Variants in RUNDC3B observed in about 807,000 individuals in gnomAD.
The protein encoded by RUNDC3B is RUN domain containing 3B, also known as RUN domain-containing protein 3B.
Under a neutral mutation model 58.4 loss-of-function variants are expected in RUNDC3B, and 33 were observed. That is an observed-to-expected ratio of 0.56 (90% confidence interval 0.43 to 0.75). The LOEUF is 0.75. RUNDC3B is among the 30% of genes least tolerant of loss of function. The pLI, the probability that RUNDC3B is intolerant of heterozygous loss-of-function variation, is 0.00. For missense variants in RUNDC3B, 501 were observed against 535.7 expected, an observed-to-expected ratio of 0.94 and a Z score of 0.64; for synonymous variants, 193 against 195.2, an observed-to-expected ratio of 0.99 and a Z score of 0.10.
chr7:87,816,389 TG>T (rs1837036084), intron 10 of RUNDC3B, 127 bp downstream of exon 10: 8 of 667,254 alleles, frequency 1.2e-5, no homozygotes, highest in Non-Finnish European at 1.9e-5. Context: ...GCAGCCATTA[TG>T]ATTAAAAATG....
chr7:87,657,034 CTG>C (rs1436649555), intron 2 of RUNDC3B, among the ~76,000 whole-genome samples: 1 of 152,136 alleles, frequency 6.6e-6, no homozygotes, highest in Non-Finnish European at 1.5e-5. Flanking sequence ...ACTTGTACCT[CTG>C]GGAAGATGAA....
intron 2 of RUNDC3B, among the ~76,000 whole-genome samples, chr7:87,655,586 G>A (rs1824015740): frequency 6.6e-6 from 1 of 152,120 alleles, no homozygotes; most frequent in Non-Finnish European, 1.5e-5. Flanking sequence ...TCAGAGAGAT[G>A]TTGGTTAAAG....
chr7:87,747,949 G>A lies in RUNDC3B; in HGVS notation c.629+6370G>A, dbSNP rs1196028881. Among the ~76,000 whole-genome samples, 4 of 152,264 alleles carry A rather than the reference G, an allele frequency of 2.6e-5. No individual in the cohort carries two copies. The East Asian group carries it at 7.8e-4, about 30-fold the overall frequency. ...AAAAGAGCTTGGTTCTCCCCTGCCT[G>A]TGGAGTCTGCACACTGGATTTGCGC... On this transcript the variant is annotated intron_variant, in intron 6 of 10. Coordinates refer to ENST00000394654, the MANE Select transcript of RUNDC3B (RefSeq NM_001134405.2).
intron 3 of RUNDC3B, among the ~76,000 whole-genome samples, chr7:87,704,967 T>G (rs146323190): frequency 6.6e-6 from 1 of 152,314 alleles, no homozygotes; most frequent in African/African-American, 2.4e-5. Flanking sequence ...TTGACACATG[T>G]GAAAAGATAT....
chr7:87,794,777 T>TA (rs1835725890), intron 8 of RUNDC3B, among the ~76,000 whole-genome samples: 2 of 152,102 alleles, frequency 1.3e-5, no homozygotes, highest in African/African-American at 2.4e-5. Context: ...GTATTGACAT[T>TA]AAAAAAGTGT....
rs1836500514 is a variant in RUNDC3B, at chr7:87,807,519, A to C, written c.1103A>C (p.Glu368Ala). The change falls in exon 9 of 11, where the codon GAG becomes GCG. Residue 368 changes from glutamate (E) to alanine (A), a missense_variant and splice_region_variant. Coordinates refer to ENST00000394654, the MANE Select transcript of RUNDC3B (RefSeq NM_001134405.2). The part of the protein sequence containing the change: ...LYRKHNKQWY[E>A]KSYQSLDQLS... ...CGAAAACACAATAAACAGTGGTATG[A>C]GTAAGTGTAATACTTTTTTTTCCAA... The C allele has an allele frequency of 6.2e-7, 1 of 1,610,654 alleles. No individual in the cohort carries two copies. Among genetic ancestry groups the C allele is most frequent in the Admixed American group, 1.7e-5 (1 of 59,954 alleles).
chr7:87,786,099 G>C (rs1243096212), intron 8 of RUNDC3B, among the ~76,000 whole-genome samples: 2 of 152,028 alleles, frequency 1.3e-5, no homozygotes, highest in African/African-American at 4.8e-5. Context: ...GAAATGTGAT[G>C]GTTTACTTGA....
intron 1 of RUNDC3B, among the ~76,000 whole-genome samples, chr7:87,637,726 A>T (rs1821930135): frequency 6.6e-6 from 1 of 152,080 alleles, no homozygotes; most frequent in Non-Finnish European, 1.5e-5. Context: ...TTGTTGGTAT[A>T]TCGATATAAA....
At chr7:87,667,002 A>G (rs1825319998) in intron 2 of RUNDC3B, among the ~76,000 whole-genome samples, 1 of 152,116 alleles carries the variant, frequency 6.6e-6, no homozygotes, top group Non-Finnish European at 1.5e-5. Flanking sequence ...GAATTTTAAA[A>G]TGGTTTTTAT....
chr7:87,786,269 G>A (rs1835210290), intron 8 of RUNDC3B, among the ~76,000 whole-genome samples: 1 of 151,992 alleles, frequency 6.6e-6, no homozygotes, highest in Non-Finnish European at 1.5e-5. Flanking sequence ...TTTGTAATGA[G>A]ATACTTTGAG....
chr7:87,772,079 G>C (rs1834314406), intron 7 of RUNDC3B, among the ~76,000 whole-genome samples: 2 of 152,124 alleles, frequency 1.3e-5, no homozygotes. Flanking sequence ...TTTCTACTAA[G>C]ATAGATGAAA....
At chr7:87,799,854 C>T (rs904973171) in intron 8 of RUNDC3B, among the ~76,000 whole-genome samples, 1 of 149,234 alleles carries the variant, frequency 6.7e-6, no homozygotes, top group Non-Finnish European at 1.5e-5. Flanking sequence ...CCACTGCACT[C>T]CAGCCTGGGT....
intron 6 of RUNDC3B, among the ~76,000 whole-genome samples, chr7:87,761,210 G>A (rs1206697910): frequency 1.3e-5 from 2 of 151,890 alleles, no homozygotes; most frequent in Non-Finnish European, 2.9e-5. Flanking sequence ...CAGTGGCCCA[G>A]AAGCACATGA....
chr7:87,688,061 A>C (rs1004229531), intron 2 of RUNDC3B, among the ~76,000 whole-genome samples: 1 of 152,292 alleles, frequency 6.6e-6, no homozygotes, highest in Middle Eastern at 3.4e-3. Flanking sequence ...GAGATAAGAA[A>C]TTGGCTCTTA....
intron 10 of RUNDC3B, among the ~76,000 whole-genome samples, chr7:87,819,060 G>A (rs923128057): frequency 7.9e-5 from 12 of 152,138 alleles, no homozygotes; most frequent in Admixed American, 2.6e-4. Context: ...AAAGTACACA[G>A]ACACACAGAT....
intron 4 of RUNDC3B, among the ~76,000 whole-genome samples, chr7:87,723,949 T>C (rs1444286558): frequency 1.3e-5 from 2 of 152,144 alleles, no homozygotes; most frequent in African/African-American, 4.8e-5. Context: ...AGGCCAGGCA[T>C]GGTGGCTCAC....
intron 1 of RUNDC3B, among the ~76,000 whole-genome samples, chr7:87,641,320 A>C (rs1415042491): frequency 6.6e-6 from 1 of 152,162 alleles, no homozygotes; most frequent in African/African-American, 2.4e-5. Context: ...AGTGTAGGTT[A>C]ATGACCACTT....
At chr7:87,666,232 A>C (rs1023711543) in intron 2 of RUNDC3B, among the ~76,000 whole-genome samples, 2 of 152,118 alleles carry the variant, frequency 1.3e-5, no homozygotes, top group African/African-American at 4.8e-5. Context: ...CATTTTTCTA[A>C]TGATCAGTGA....
At position 87,639,082 on chromosome 7, in the gene RUNDC3B, G is replaced by A. The variant is rs887378244; in HGVS notation, c.122+10137G>A. 3.8e-4 allele frequency among the ~76,000 whole-genome samples: 58 copies of A among 150,774 alleles called. 1 individual carries two copies. The highest frequency in any genetic ancestry group is 4.4e-5 in the Non-Finnish European group (3 of 67,862). On this transcript the variant is annotated intron_variant, in intron 1 of 10. Transcript: ENST00000394654. ...CAGGAGAATGGTGTAAACCCCGGAG[G>A]CGGAGCTTGCAGTGAGAAGAGACGG... is the stretch of plus-strand genomic sequence containing the variant.
Sources: allele counts gnomAD v4.1 joint callset (sites outside exome capture counted in the v4.1 genomes callset), GRCh38; gene constraint gnomAD v4.1.1; transcripts MANE v1.5; gene names NCBI Gene and HGNC (gene_info 2026-07-23, HGNC 2026-07-21).